Variants in ABCA13 observed in about 807,000 individuals in gnomAD.
ABCA13 encodes ATP-binding cassette sub-family A member 13.
ABCA13 carries 476 observed loss-of-function variants against 478.7 expected under a neutral mutation model. The observed-to-expected ratio is 0.99, with a 90% CI of 0.92 to 1.07. The LOEUF is 1.07. Among genes scored for constraint, ABCA13 ranks in the 50% least tolerant of loss-of-function variants. ABCA13 has a pLI of 0.00. For missense variants in ABCA13, 6,060 were observed against 5,910.6 expected (o/e 1.03, Z -0.83); for synonymous variants, 2,252 against 2,158.9 (o/e 1.04, Z -1.20).
Position 48,177,175 on chromosome 7 carries a change from G to A in ABCA13, c.69+5623G>A, listed in dbSNP as rs547728725. On this transcript the variant is annotated intron_variant, in intron 1 of 61. Transcript: ENST00000435803. ...ATTTCTTTTGGACATTGTTTTAGAG[G>A]TTGGATTTTTGCTGGTTTTGCATAG... Among the ~76,000 whole-genome samples, 5 of 152,312 alleles carry A rather than the reference G, an allele frequency of 3.3e-5. No homozygotes were observed. The South Asian group carries it at 1.0e-3, about 32-fold the overall frequency.
At chr7:48,573,348 A>G (rs1161516312) in intron 55 of ABCA13, among the ~76,000 whole-genome samples, 1 of 151,282 alleles carries the variant, frequency 6.6e-6, no homozygotes, top group African/African-American at 2.4e-5. Flanking sequence ...TATCTTATTT[A>G]TTTATTTTTT....
At chr7:48,580,778 T>C (rs1289730171) in intron 56 of ABCA13, among the ~76,000 whole-genome samples, 1 of 152,056 alleles carries the variant, frequency 6.6e-6, no homozygotes, top group East Asian at 1.9e-4. Context: ...GTGTGGAATC[T>C]GGGGGACTGC....
chr7:48,386,926 T>C (rs1425140613), intron 35 of ABCA13, among the ~76,000 whole-genome samples: 5 of 152,140 alleles, frequency 3.3e-5, no homozygotes, highest in Admixed American at 6.5e-5. Flanking sequence ...AAAGAAACTA[T>C]TGACAGAGTA....
At chr7:48,222,774 C>A (rs182179667) in intron 5 of ABCA13, among the ~76,000 whole-genome samples, 1 of 151,952 alleles carries the variant, frequency 6.6e-6, no homozygotes, top group African/African-American at 2.4e-5. Context: ...GATGTTATAC[C>A]GTTTGATTTT....
chr7:48,273,163 A>T lies in ABCA13; in HGVS notation c.3497A>T (p.Lys1166Met), dbSNP rs1329595427. Reference sequence around the variant, plus strand: ...TGGGAAACCATATCTCAATTATTTAAGTTTGACATGAATGTTTTCACATCT... The same window carrying T: ...TGGGAAACCATATCTCAATTATTTATGTTTGACATGAATGTTTTCACATCT... ...EIWETISQLF[K>M]FDMNVFTSLH... The change falls in exon 17 of 62, where the codon AAG becomes ATG. Residue 1166 changes from lysine (K) to methionine (M), a missense_variant. Transcript: ENST00000435803. 2 of 1,613,710 alleles carry T rather than the reference A, an allele frequency of 1.2e-6. No individual in the cohort carries two copies. Among genetic ancestry groups the T allele is most frequent in the Non-Finnish European group, 1.7e-6 (2 of 1,179,760 alleles).
chr7:48,402,095 T>C (rs2129072286), intron 38 of ABCA13, among the ~76,000 whole-genome samples: 1 of 152,102 alleles, frequency 6.6e-6, no homozygotes, highest in East Asian at 1.9e-4. Flanking sequence ...GCCAGGTGTA[T>C]GAAGAGGAGG....
intron 15 of ABCA13, among the ~76,000 whole-genome samples, chr7:48,252,883 C>T (rs192388877): frequency 8.5e-4 from 130 of 152,222 alleles, no homozygotes; most frequent in African/African-American, 2.9e-3. Flanking sequence ...TGTCTTGATA[C>T]GTTCTCTTGA....
chr7:48,433,384 T>C (rs117772228), intron 42 of ABCA13, among the ~76,000 whole-genome samples: 2,139 of 150,808 alleles, frequency 0.014, 21 homozygotes, highest in South Asian at 0.054. Flanking sequence ...AGGACGTTTT[T>C]TGGTAATAGA....
intron 1 of ABCA13, among the ~76,000 whole-genome samples, chr7:48,186,590 A>AG (rs1796381371): frequency 6.6e-6 from 1 of 151,820 alleles, no homozygotes; most frequent in Non-Finnish European, 1.5e-5. Context: ...TCTAAAAAAA[A>AG]TTTTAGCCAC....
rs1467921865 is a variant in ABCA13, at chr7:48,272,878, T to C, written c.3212T>C (p.Ile1071Thr). ...TLTGLKQLLI[I>T]DEDFRISLFQ... Reference sequence around the variant, plus strand: ...ACAGGCCTCAAACAGCTGCTCATAATTGATGAAGATTTTCGTATTTCTTTA... The same window carrying C: ...ACAGGCCTCAAACAGCTGCTCATAACTGATGAAGATTTTCGTATTTCTTTA... Residue 1071 changes from isoleucine (I) to threonine (T), a missense_variant, in exon 17 of 62, where the codon ATT becomes ACT. By Grantham distance (89) the Ile-to-Thr change is moderately conservative. This residue lies in a region of ABCA13 where 4,423 missense variants were observed against 4,309.1 expected (regional missense o/e 1.03). Coordinates refer to ENST00000435803, the MANE Select transcript of ABCA13 (RefSeq NM_152701.5). 3 of 1,607,900 alleles carry C rather than the reference T, an allele frequency of 1.9e-6. No homozygotes were observed. The highest frequency in any genetic ancestry group is 2.7e-5 in the African/African-American group (2 of 74,834).
chr7:48,232,163 T>TTTTTTTTTTTTTCTTTTTG (rs1789235169), intron 7 of ABCA13, among the ~76,000 whole-genome samples: 1 of 138,950 alleles, frequency 7.2e-6, no homozygotes, highest in Non-Finnish European at 1.6e-5. Flanking sequence ...TTTTTTTTTT[T>TTTTTTTTTTTTTCTTTTTG]TAGCTTTCTG....
intron 1 of ABCA13, among the ~76,000 whole-genome samples, chr7:48,190,047 G>A (rs1796888577): frequency 6.6e-6 from 1 of 152,154 alleles, no homozygotes; most frequent in African/African-American, 2.4e-5. Flanking sequence ...TTATCATTAT[G>A]TTTTTGCATA....
At chr7:48,419,324 T>A (rs1197415307) in intron 41 of ABCA13, among the ~76,000 whole-genome samples, 2 of 152,246 alleles carry the variant, frequency 1.3e-5, no homozygotes, top group Non-Finnish European at 2.9e-5. Flanking sequence ...TATTTGTATT[T>A]GTACTTTACC....
At chr7:48,370,420 C>A (rs560809489) in intron 32 of ABCA13, among the ~76,000 whole-genome samples, 6 of 152,236 alleles carry the variant, frequency 3.9e-5, no homozygotes, top group African/African-American at 1.4e-4. Flanking sequence ...CTAGGACTTC[C>A]AGTACTACAT....
intron 47 of ABCA13, among the ~76,000 whole-genome samples, chr7:48,488,678 T>C (rs1019179591): frequency 1.8e-4 from 27 of 152,214 alleles, no homozygotes; most frequent in Non-Finnish European, 3.1e-4. Flanking sequence ...ATATAGATAC[T>C]GATGGTTTGA....
In ABCA13 at chr7:48,271,878, G is replaced by C; in HGVS notation, c.2212G>C (p.Glu738Gln). The C allele has an allele frequency of 6.2e-7, 1 of 1,609,954 alleles. No homozygotes were observed. The highest frequency in any genetic ancestry group is 8.5e-7 in the Non-Finnish European group (1 of 1,177,864). The change falls in exon 17 of 62, where the codon GAA becomes CAA. Residue 738 changes from glutamate to glutamine, a missense_variant. This residue lies in a region of ABCA13 where 4,423 missense variants were observed against 4,309.1 expected (regional missense o/e 1.03). Coordinates refer to ENST00000435803, the MANE Select transcript of ABCA13 (RefSeq NM_152701.5). ...EQMNFLLSFV[E>Q]FFEKLLLPNL... is the part of the protein sequence containing the mutation. ...AATGAACTTTCTTTTATCATTTGTG[G>C]AATTTTTTGAGAAATTATTGTTGCC...
At chr7:48,440,085 T>C (rs1332817972) in intron 42 of ABCA13, among the ~76,000 whole-genome samples, 2 of 152,188 alleles carry the variant, frequency 1.3e-5, no homozygotes, top group Non-Finnish European at 2.9e-5. Context: ...ATAAATTACA[T>C]ATTTATTTAA....
chr7:48,345,690 GT>G (rs1279819599), intron 29 of ABCA13, among the ~76,000 whole-genome samples: 1 of 152,136 alleles, frequency 6.6e-6, no homozygotes. Context: ...AAAGTATAAA[GT>G]TATAGTAATC....
In ABCA13 at chr7:48,471,506, C is replaced by A. The variant is rs1242521675; in HGVS notation, c.12906-24C>A. 14 of 1,538,242 alleles carry A rather than the reference C, an allele frequency of 9.1e-6. No homozygotes were observed. The East Asian group carries it at 3.4e-4, about 37-fold the overall frequency. The stretch of plus-strand genomic sequence containing the variant: ...GGCTTTGTAAATCTAAAAGATCATT[C>A]CAATTCTCTCCTTTGTTTTTTAGGA... On this transcript the variant is annotated intron_variant, in intron 44 of 61. Transcript: ENST00000435803.
Sources: allele counts gnomAD v4.1 joint callset (sites outside exome capture counted in the v4.1 genomes callset), GRCh38; gene constraint gnomAD v4.1.1; regional missense constraint gnomAD v4.1.1; transcripts MANE v1.5; gene names NCBI Gene and HGNC (gene_info 2026-07-23, HGNC 2026-07-21).